PRKCB: variants seen among roughly 807,000 people sequenced by gnomAD.
PRKCB encodes protein kinase C beta type.
A neutral mutation model predicts 81.5 loss-of-function variants in PRKCB; 13 were observed. That is an observed-to-expected ratio of 0.16 (90% confidence interval 0.10 to 0.25). The LOEUF is 0.25. Among genes scored for constraint, PRKCB ranks in the 10% least tolerant of loss-of-function variants. The pLI is 1.00. For synonymous variants in PRKCB, 335 were observed against 321.4 expected (o/e 1.04, Z -0.45); for missense variants, 509 against 875.7 (o/e 0.58, Z 5.29).
chr16:24,007,701 G>A (rs923744656), intron 3 of PRKCB, among the ~76,000 whole-genome samples: 6 of 152,294 alleles, frequency 3.9e-5, no homozygotes, highest in Middle Eastern at 3.4e-3. Context: ...AAGCTGATGC[G>A]TCCCATCTAT....
At chr16:23,998,581 C>T (rs1007233503) in intron 3 of PRKCB, among the ~76,000 whole-genome samples, 11 of 152,100 alleles carry the variant, frequency 7.2e-5, no homozygotes, top group African/African-American at 2.7e-4. Context: ...TCCATTTATG[C>T]CTTAGATTCC....
chr16:24,165,883 C>CTTTTT (rs71154285), intron 10 of PRKCB, among the ~76,000 whole-genome samples: 846 of 93,962 alleles, frequency 9.0e-3, no homozygotes, highest in Non-Finnish European at 0.012. Flanking sequence ...TTCTTTCTTT[C>CTTTTT]TTTTTTTTTT....
At position 23,935,890 on chromosome 16, in the gene PRKCB, G is replaced by C. The variant is rs185119326; in HGVS notation, c.206-52618G>C. Among the ~76,000 whole-genome samples, 348 of 152,206 alleles carry C rather than the reference G, an allele frequency of 2.3e-3. 2 individuals carry two copies. Among genetic ancestry groups the C allele is most frequent in the African/African-American group, 8.2e-3 (339 of 41,518 alleles). The stretch of plus-strand genomic sequence containing the variant: ...CTACTGGAAGTTAGAGGGAGGGGTG[G>C]GTTTAAAAACTACCTGTCGAGCACT... On this transcript the variant is annotated intron_variant, in intron 2 of 16. Coordinates refer to ENST00000643927, the MANE Select transcript of PRKCB (RefSeq NM_002738.7).
intron 2 of PRKCB, among the ~76,000 whole-genome samples, chr16:23,927,949 T>A (rs1229832375): frequency 3.3e-5 from 5 of 151,892 alleles, no homozygotes; most frequent in African/African-American, 1.2e-4. Context: ...ATCTGAGCCT[T>A]AGCTGCACAT....
At chr16:24,125,043 C>T (rs181055563) in intron 9 of PRKCB, among the ~76,000 whole-genome samples, 6 of 150,262 alleles carry the variant, frequency 4.0e-5, no homozygotes, top group Admixed American at 1.3e-4. Flanking sequence ...TATAATTAAT[C>T]CCAATCCCAA....
chr16:24,075,210 G>A (rs1966163544), intron 5 of PRKCB, among the ~76,000 whole-genome samples: 1 of 152,072 alleles, frequency 6.6e-6, no homozygotes, highest in Non-Finnish European at 1.5e-5. Flanking sequence ...GGTATTCAGT[G>A]GCCTCATGTG....
intron 10 of PRKCB, among the ~76,000 whole-genome samples, chr16:24,168,407 C>G (rs371848288): frequency 6.6e-6 from 1 of 152,260 alleles, no homozygotes; most frequent in East Asian, 1.9e-4. Flanking sequence ...TCACCTTTTA[C>G]GTTGTGACTC....
chr16:24,191,035 C>G (rs1293846559), intron 15 of PRKCB, 55 bp from the exon 16 acceptor site: 1 of 1,576,610 alleles, frequency 6.3e-7, no homozygotes, highest in East Asian at 2.3e-5. Context: ...TTCTGAGTGT[C>G]TTACATTTCC....
intron 5 of PRKCB, among the ~76,000 whole-genome samples, chr16:24,083,261 T>C (rs762610381): frequency 5.3e-5 from 8 of 152,208 alleles, no homozygotes; most frequent in Non-Finnish European, 1.0e-4. Context: ...TGCAAAATGG[T>C]ACAGCTGCTC....
chr16:24,216,121 A>G lies in PRKCB; in HGVS notation c.*1305A>G. 1 of 985,464 alleles carries G rather than the reference A, an allele frequency of 1.0e-6. No individual in the cohort carries two copies. Among genetic ancestry groups the G allele is most frequent in the Non-Finnish European group, 1.2e-6 (1 of 829,966 alleles). The allele number at this position is 985,464 out of a possible 1,614,324, so 61.0% of individuals were successfully genotyped here. ...GAAAGGAACTAACTGCGGAGCTTTA[A>G]TCTTGGCCCCAGTGTTCAGCCACTC... On this transcript the variant is annotated 3_prime_UTR_variant, in exon 17 of 17. Coordinates refer to ENST00000643927, the MANE Select transcript of PRKCB (RefSeq NM_002738.7).
At chr16:24,126,695 C>T (rs185780678) in intron 9 of PRKCB, among the ~76,000 whole-genome samples, 36 of 151,566 alleles carry the variant, frequency 2.4e-4, no homozygotes, top group African/African-American at 8.2e-4. Flanking sequence ...GTCTCGCGCT[C>T]GGCTAATTTT....
At chr16:24,188,649 G>A (rs1347484962) in intron 15 of PRKCB, among the ~76,000 whole-genome samples, 2 of 151,866 alleles carry the variant, frequency 1.3e-5, no homozygotes, top group African/African-American at 2.4e-5. Context: ...GAACAAACTT[G>A]AAGCAAACAG....
intron 2 of PRKCB, among the ~76,000 whole-genome samples, chr16:23,892,138 G>A (rs2141117548): frequency 6.6e-6 from 1 of 152,272 alleles, no homozygotes; most frequent in East Asian, 1.9e-4. Flanking sequence ...TGATAAAGAT[G>A]TACCTGTTAC....
intron 2 of PRKCB, among the ~76,000 whole-genome samples, chr16:23,947,391 T>C (rs1964216778): frequency 6.6e-6 from 1 of 152,206 alleles, no homozygotes; most frequent in Admixed American, 6.5e-5. Flanking sequence ...GCTCCTCTCC[T>C]CATTCTCCTT....
Position 24,056,845 on chromosome 16 carries a change from A to G in PRKCB, c.529+21298A>G, listed in dbSNP as rs540842584. Among the ~76,000 whole-genome samples, 81 of 152,300 alleles carry G rather than the reference A, an allele frequency of 5.3e-4. 1 individual carries two copies. In the South Asian group the frequency reaches 0.015, roughly 28 times the overall value. On this transcript the variant is annotated intron_variant, in intron 5 of 16. Transcript: ENST00000643927. ...GAACAAAAATAAACCTCTTTTCTTTATAAAGTACCCAGCCTCAGGTATTCC... is the reference window on the plus strand; with the variant it reads ...GAACAAAAATAAACCTCTTTTCTTTGTAAAGTACCCAGCCTCAGGTATTCC...
At chr16:24,035,579 A>G (rs1205304529) in intron 5 of PRKCB, 32 bp downstream of exon 5, 1 of 1,385,898 alleles carries the variant, frequency 7.2e-7, no homozygotes, top group African/African-American at 1.6e-5. Context: ...CTGGCTCCTG[A>G]CCTTGCTTGA....
chr16:24,061,356 C>T lies in PRKCB; in HGVS notation c.529+25809C>T, dbSNP rs151155172. Among the ~76,000 whole-genome samples, 314 of 152,224 alleles carry T rather than the reference C, an allele frequency of 2.1e-3. 1 individual carries two copies. Among genetic ancestry groups the T allele is most frequent in the Non-Finnish European group, 3.7e-3 (254 of 67,998 alleles). ...GATTACAGGCATGAGCCACCACATG[C>T]GGCCATTAATTGAATAAGTGAATGA... On this transcript the variant is annotated intron_variant, in intron 5 of 16. Coordinates refer to ENST00000643927, the MANE Select transcript of PRKCB (RefSeq NM_002738.7).
intron 2 of PRKCB, among the ~76,000 whole-genome samples, chr16:23,926,222 G>C (rs976039395): frequency 6.6e-6 from 1 of 152,064 alleles, no homozygotes; most frequent in African/African-American, 2.4e-5. Context: ...AGTGAGCTAT[G>C]ATCACACAAC....
intron 5 of PRKCB, among the ~76,000 whole-genome samples, chr16:24,079,354 G>A (rs1354475177): frequency 6.6e-6 from 1 of 152,216 alleles, no homozygotes; most frequent in Non-Finnish European, 1.5e-5. Flanking sequence ...AGAAGTCCGA[G>A]TATCAGCTGG....
Sources: gnomAD v4.1 joint callset for allele counts (sites outside exome capture counted in the v4.1 genomes callset) on GRCh38, gnomAD v4.1.1 for gene constraint, MANE v1.5 for transcripts, NCBI Gene and HGNC (gene_info 2026-07-23, HGNC 2026-07-21) for gene names.